The following LY96 variants were observed in gnomAD, a reference collection of about 807,000 sequenced individuals.
The protein encoded by LY96 is myeloid differentiation protein-2.
Under a neutral mutation model 18.9 loss-of-function variants are expected in LY96, and 18 were observed. That is an observed-to-expected ratio of 0.95 (90% CI 0.66 to 1.41). LY96 has a LOEUF of 1.41. Among genes scored for constraint, LY96 ranks in the 40% most tolerant of loss-of-function variants. The pLI is 0.00. For synonymous variants in LY96, 66 were observed against 62.6 expected, an observed-to-expected ratio of 1.06 and a Z score of -0.26; for missense variants, 175 against 182.4, an observed-to-expected ratio of 0.96 and a Z score of 0.23.
chr8:74,052,027 T>TA, the LY96 span, among the ~76,000 whole-genome samples: 232 of 152,224 alleles, frequency 1.5e-3, no homozygotes, highest in African/African-American at 5.4e-3. Flanking sequence ...TACAGATGTT[T>TA]AGTGCAGCTG....
Position 74,010,084 on chromosome 8 carries a change from C to G in LY96, c.286C>G (p.Arg96Gly), listed in dbSNP as rs201637821. The change falls in exon 3 of 5, where the codon CGA becomes GGA. Residue 96 changes from arginine to glycine, a missense_variant. Arg to Gly is a moderately radical substitution (Grantham distance 125). Coordinates refer to ENST00000284818, the MANE Select transcript of LY96 (RefSeq NM_015364.5). ...NLPKRKEVICRGSDDDYSFCR... is the reference protein window; with the variant it reads ...NLPKRKEVICGGSDDDYSFCR... Reference sequence around the variant, plus strand: ...TCCAAAGCGCAAAGAAGTTATTTGCCGAGGATCTGATGACGATTACTCTTT... The same window carrying G: ...TCCAAAGCGCAAAGAAGTTATTTGCGGAGGATCTGATGACGATTACTCTTT... 1.2e-6 allele frequency: 2 copies of G among 1,612,796 alleles called. No individual in the cohort carries two copies. Among genetic ancestry groups the G allele is most frequent in the Non-Finnish European group, 1.7e-6 (2 of 1,179,132 alleles).
At chr8:73,996,605 G>A (rs540830087) in intron 1 of LY96, among the ~76,000 whole-genome samples, 110 of 151,890 alleles carry the variant, frequency 7.2e-4, no homozygotes, top group Non-Finnish European at 1.4e-3. Context: ...TTTTAGTAGA[G>A]ACGGGGTTTC....
the LY96 span, among the ~76,000 whole-genome samples, chr8:74,080,709 C>G: frequency 6.6e-6 from 1 of 152,140 alleles, no homozygotes; most frequent in Non-Finnish European, 1.5e-5. Flanking sequence ...GAGAGGTAAA[C>G]GGGGTAGAAT....
At chr8:74,080,798 C>T in the LY96 span, among the ~76,000 whole-genome samples, 1 of 152,300 alleles carries the variant, frequency 6.6e-6, no homozygotes, top group East Asian at 1.9e-4. Context: ...CAGGGACCAT[C>T]AGCTCTTTGT....
intron 3 of LY96, among the ~76,000 whole-genome samples, chr8:74,014,207 G>A (rs1215928540): frequency 6.6e-6 from 1 of 151,314 alleles, no homozygotes; most frequent in African/African-American, 2.4e-5. Context: ...CTGAGGCTAG[G>A]AGTTTGGGGC....
At chr8:74,032,045 C>T (rs1011414832), downstream of LY96, among the ~76,000 whole-genome samples, 5 of 151,728 alleles carry the variant, frequency 3.3e-5, no homozygotes, top group African/African-American at 1.2e-4. Context: ...GAATCTCTTG[C>T]ACCCAGGAGG....
intron 1 of LY96, among the ~76,000 whole-genome samples, chr8:73,995,545 T>C (rs1816109122): frequency 1.3e-5 from 2 of 152,158 alleles, no homozygotes; most frequent in African/African-American, 4.8e-5. Context: ...AACATGTGAA[T>C]GGGGACGAGA....
At chr8:74,001,704 C>T (rs1455765715) in intron 1 of LY96, among the ~76,000 whole-genome samples, 2 of 151,812 alleles carry the variant, frequency 1.3e-5, no homozygotes, top group South Asian at 2.1e-4. Flanking sequence ...AAAAAATTAG[C>T]TGAGTGTGGT....
the LY96 span, among the ~76,000 whole-genome samples, chr8:74,057,986 T>A: frequency 6.6e-6 from 1 of 152,200 alleles, no homozygotes; most frequent in Non-Finnish European, 1.5e-5. Context: ...GGATCCAGCC[T>A]GCCGTGATTA....
chr8:74,098,836 A>T, the LY96 span, among the ~76,000 whole-genome samples: 2 of 152,208 alleles, frequency 1.3e-5, no homozygotes, highest in Non-Finnish European at 2.9e-5. Context: ...CATGATTCAG[A>T]CAGAGTTAGC....
At chr8:74,048,032 G>A in the LY96 span, among the ~76,000 whole-genome samples, 1 of 152,060 alleles carries the variant, frequency 6.6e-6, no homozygotes, top group Admixed American at 6.5e-5. Flanking sequence ...CTGAGTGTGT[G>A]GGACCACAGG....
chr8:74,062,170 G>GT, the LY96 span, among the ~76,000 whole-genome samples: 1 of 152,176 alleles, frequency 6.6e-6, no homozygotes, highest in African/African-American at 2.4e-5. Context: ...TTGTAAATTA[G>GT]TAACAGCAGG....
chr8:74,089,548 A>T, the LY96 span, among the ~76,000 whole-genome samples: 4 of 152,350 alleles, frequency 2.6e-5, no homozygotes, highest in South Asian at 8.3e-4. Flanking sequence ...GAGAATGAGA[A>T]AGATACACAG....
At chr8:74,003,350 G>T (rs1013749150) in intron 1 of LY96, among the ~76,000 whole-genome samples, 3 of 152,234 alleles carry the variant, frequency 2.0e-5, no homozygotes, top group Non-Finnish European at 2.9e-5. Context: ...GGGCTAGCTT[G>T]AAGCAGGCTT....
the LY96 span, among the ~76,000 whole-genome samples, chr8:74,046,406 G>A: frequency 6.6e-6 from 1 of 152,304 alleles, no homozygotes; most frequent in African/African-American, 2.4e-5. Context: ...AATGGTTACT[G>A]AATGTGGATA....
chr8:74,031,277 A>C (rs9693908), downstream of LY96, among the ~76,000 whole-genome samples: 8,543 of 151,814 alleles, frequency 0.056, 783 homozygotes, highest in African/African-American at 0.19. Flanking sequence ...GCCTATTAAA[A>C]CTCTGCTCCA....
At chr8:74,028,284 A>T (rs1326388640) in intron 4 of LY96, among the ~76,000 whole-genome samples, 1 of 152,184 alleles carries the variant, frequency 6.6e-6, no homozygotes, top group Non-Finnish European at 1.5e-5. Flanking sequence ...ACTATGGAAA[A>T]ATTGCACAAA....
chr8:74,095,222 G>A, the LY96 span, among the ~76,000 whole-genome samples: 1 of 152,014 alleles, frequency 6.6e-6, no homozygotes, highest in Non-Finnish European at 1.5e-5. Flanking sequence ...TTTTTCTTCT[G>A]CTTAAGAGAT....
chr8:74,081,028 T>TC, the LY96 span, among the ~76,000 whole-genome samples: 13 of 129,952 alleles, frequency 1.0e-4, no homozygotes, highest in African/African-American at 4.7e-4. Context: ...CTTTCTTTCT[T>TC]TCTTTCTTTC....
Sources: allele counts gnomAD v4.1 joint callset (sites outside exome capture counted in the v4.1 genomes callset), GRCh38; gene constraint gnomAD v4.1.1; transcripts MANE v1.5; gene names NCBI Gene and HGNC (gene_info 2026-07-23, HGNC 2026-07-21).